OR3A2: variants seen among roughly 807,000 people sequenced by gnomAD.
The protein encoded by OR3A2 is olfactory receptor 3A2.
For synonymous variants in OR3A2, 126 were observed against 159.3 expected, an observed-to-expected ratio of 0.79 and a Z score of 1.57; for missense variants, 318 against 392.8, an observed-to-expected ratio of 0.81 and a Z score of 1.61.
chr17:3,374,585 T>C (rs1424917131), intron 2 of OR3A2, among the ~76,000 whole-genome samples: 1 of 152,230 alleles, frequency 6.6e-6, no homozygotes, highest in African/African-American at 2.4e-5. Flanking sequence ...TGTTGAAACT[T>C]CCCAATGTAT....
chr17:3,330,312 T>C (rs143468034), intron 3 of OR3A2, among the ~76,000 whole-genome samples: 26,010 of 149,354 alleles, frequency 0.17, 3,076 homozygotes, highest in Admixed American at 0.34. Flanking sequence ...GACAATGGGG[T>C]GTTAAAGTCT....
chr17:3,374,707 ATTTT>A (rs776109407), intron 2 of OR3A2, among the ~76,000 whole-genome samples: 4 of 151,892 alleles, frequency 2.6e-5, no homozygotes, highest in Non-Finnish European at 4.4e-5. Flanking sequence ...GATTTTATTT[ATTTT>A]TATTTTTTAG....
chr17:3,337,522 GTGCTTGGTTTTCTGT>G (rs2049282506), intron 2 of OR3A2, among the ~76,000 whole-genome samples: 1 of 152,010 alleles, frequency 6.6e-6, no homozygotes, highest in Non-Finnish European at 1.5e-5. Context: ...AGAACATGTA[GTGCTTGGTTTTCTGT>G]CCTTGCGATA....
At chr17:3,330,220 T>A (rs888230126) in intron 3 of OR3A2, among the ~76,000 whole-genome samples, 2 of 151,718 alleles carry the variant, frequency 1.3e-5, no homozygotes, top group Non-Finnish European at 2.9e-5. Flanking sequence ...TGTAGATGTC[T>A]ATTAGGTTGG....
intron 3 of OR3A2, chr17:3,291,842 G>A (rs374353437): frequency 1.9e-6 from 3 of 1,613,934 alleles, no homozygotes; most frequent in Non-Finnish European, 2.5e-6. Context: ...CCACAGTGAG[G>A]TGGGAGCCAC....
At chr17:3,348,808 G>T (rs1415771790) in intron 2 of OR3A2, among the ~76,000 whole-genome samples, 1 of 152,150 alleles carries the variant, frequency 6.6e-6, no homozygotes, top group Non-Finnish European at 1.5e-5. Context: ...ACAAAGGGAA[G>T]CCCATCAGAT....
At chr17:3,303,022 G>A (rs2048976900) in intron 3 of OR3A2, among the ~76,000 whole-genome samples, 1 of 152,148 alleles carries the variant, frequency 6.6e-6, no homozygotes, top group African/African-American at 2.4e-5. Context: ...TAGAGGACCT[G>A]TAAATAATAT....
intron 3 of OR3A2, among the ~76,000 whole-genome samples, chr17:3,334,974 T>C (rs2049266731): frequency 6.6e-6 from 1 of 152,216 alleles, no homozygotes; most frequent in Non-Finnish European, 1.5e-5. Context: ...TAGAAATCAC[T>C]GTGTCCATTT....
At chr17:3,278,008 G>A (rs745856977) in exon 2 of OR3A2, 1 of 1,603,824 alleles carries the variant, frequency 6.2e-7, no homozygotes, top group Non-Finnish European at 8.5e-7. Flanking sequence ...ATTTGCCACA[G>A]AGCACCCTGA....
chr17:3,289,751 T>C (rs16952819), intron 3 of OR3A2, among the ~76,000 whole-genome samples: 33,356 of 152,070 alleles, frequency 0.22, 4,801 homozygotes, highest in African/African-American at 0.4. Flanking sequence ...AGGTCAAGCG[T>C]GTCGTGAATG....
chr17:3,318,514 A>T (rs1363021795), intron 3 of OR3A2, among the ~76,000 whole-genome samples: 2 of 152,128 alleles, frequency 1.3e-5, no homozygotes, highest in African/African-American at 4.8e-5. Flanking sequence ...GCTTATCGAG[A>T]CCGCATTCCT....
At chr17:3,283,735 ATCT>A (rs1025413828) in intron 1 of OR3A2, among the ~76,000 whole-genome samples, 25 of 152,176 alleles carry the variant, frequency 1.6e-4, no homozygotes, top group East Asian at 5.8e-4. Flanking sequence ...ACCAGTCCAC[ATCT>A]TCTTTTTACT....
intron 3 of OR3A2, among the ~76,000 whole-genome samples, chr17:3,293,767 TATGC>T (rs1314439576): frequency 6.6e-6 from 1 of 152,184 alleles, no homozygotes; most frequent in Non-Finnish European, 1.5e-5. Context: ...CACGGAATAC[TATGC>T]AGCCATGAAA....
chr17:3,322,778 T>A (rs566269650), intron 3 of OR3A2, among the ~76,000 whole-genome samples: 2 of 152,042 alleles, frequency 1.3e-5, no homozygotes, highest in South Asian at 2.1e-4. Context: ...TGCTGAGGAG[T>A]GCTTTACTTC....
At chr17:3,279,412 G>C (rs182490239) in intron 1 of OR3A2, among the ~76,000 whole-genome samples, 1 of 152,300 alleles carries the variant, frequency 6.6e-6, no homozygotes, top group East Asian at 1.9e-4. Flanking sequence ...AGATTTAGAT[G>C]AAGTTTTCCT....
intron 1 of OR3A2, among the ~76,000 whole-genome samples, chr17:3,280,564 G>T (rs2048771192): frequency 6.6e-6 from 1 of 152,278 alleles, no homozygotes; most frequent in East Asian, 1.9e-4. Flanking sequence ...GAGGCACTGC[G>T]CCCAGCCCAT....
chr17:3,348,301 T>C (rs2049387266), intron 2 of OR3A2, among the ~76,000 whole-genome samples: 1 of 152,154 alleles, frequency 6.6e-6, no homozygotes, highest in Non-Finnish European at 1.5e-5. Context: ...TTTGGTGTTT[T>C]AGACATGAAG....
intron 2 of OR3A2, among the ~76,000 whole-genome samples, chr17:3,348,792 T>A (rs2150652286): frequency 6.6e-6 from 1 of 152,214 alleles, no homozygotes. Flanking sequence ...AAAGGTCGGG[T>A]TACCCACAAA....
intron 1 of OR3A2, among the ~76,000 whole-genome samples, chr17:3,281,814 T>A (rs1038357713): frequency 6.6e-6 from 1 of 152,160 alleles, no homozygotes; most frequent in Non-Finnish European, 1.5e-5. Context: ...AGATTCTTAG[T>A]CCCCATGCTT....
Sources: allele counts gnomAD v4.1 joint callset (sites outside exome capture counted in the v4.1 genomes callset), GRCh38; gene constraint gnomAD v4.1.1; transcripts MANE v1.5; gene names NCBI Gene and HGNC (gene_info 2026-07-23, HGNC 2026-07-21).